Variants in UBE2L5 observed in about 807,000 individuals in gnomAD.
The protein encoded by UBE2L5 is ubiquitin-conjugating enzyme E2 L5.
A neutral mutation model predicts 10.0 loss-of-function variants in UBE2L5; 3 were observed. The observed-to-expected ratio is 0.30, with a 90% CI of 0.14 to 0.78. The LOEUF (loss-of-function observed/expected upper bound fraction) is 0.78, where lower values mean the gene tolerates loss of function less well. UBE2L5 is among the 30% of genes least tolerant of loss of function. The pLI is 0.65. For synonymous variants in UBE2L5, 60 were observed against 71.9 expected (o/e 0.83, Z 0.83); for missense variants, 131 against 193.3 (o/e 0.68, Z 1.91).
At position 30,427,469 on chromosome 13, in the gene UBE2L5, C is replaced by A. The variant is rs188945680; in HGVS notation, c.-522C>A. 6.1e-4 allele frequency: 94 copies of A among 154,078 alleles called. No individual in the cohort carries two copies. The highest frequency in any genetic ancestry group is 1.2e-3 in the Non-Finnish European group (81 of 69,300). 9.5% of individuals were successfully genotyped at this position (154,078 alleles called of 1,614,324 possible). ...GAGCAATCTGATCTGGACATACCAG[C>A]CTTCAGTCAGGCAACAGGTGAATAT... On this transcript the variant is annotated 5_prime_UTR_variant, in exon 4 of 4. Transcript: ENST00000635918.
intron 2 of UBE2L5, among the ~76,000 whole-genome samples, chr13:30,426,028 A>G (rs538516544): frequency 6.6e-6 from 1 of 151,622 alleles, no homozygotes; most frequent in Admixed American, 6.6e-5. Context: ...AAAAGAAAAA[A>G]GGCCAGGCAC....
At position 30,429,282 on chromosome 13, in the gene UBE2L5, T is replaced by TCC. The variant is rs202212365; in HGVS notation, c.*835_*836dup. 9.3e-3 allele frequency among the ~76,000 whole-genome samples: 1,365 copies of TCC among 147,544 alleles called. 16 individuals carry two copies. The highest frequency in any genetic ancestry group is 0.032 in the African/African-American group (1,254 of 39,500). On this transcript the variant is annotated 3_prime_UTR_variant, in exon 4 of 4. Coordinates refer to ENST00000635918, the MANE Select transcript of UBE2L5 (RefSeq NM_001355247.2). Reference sequence around the variant, plus strand: ...CCTGGGCAACAAGAGCAAAACTCTGTCCCCCCCCCACAAAAAAAAATTGAT... The same window carrying TCC: ...CCTGGGCAACAAGAGCAAAACTCTGTCCCCCCCCCCCACAAAAAAAAATTGAT...
rs1010165191 is a variant in UBE2L5 at position 30,427,551 on chromosome 13, G to A, written c.-440G>A. 3 of 171,464 alleles carry A rather than the reference G, an allele frequency of 1.7e-5. No homozygotes were observed. Among genetic ancestry groups the A allele is most frequent in the Admixed American group, 1.2e-4 (2 of 17,386 alleles). The allele number at this position is 171,464 out of a possible 1,614,324, so 10.6% of individuals were successfully genotyped here. ...GCAGTGGCTCACGTCTATAATCTGA[G>A]CACTTTGGGAGACTAACGCGGGCGG... On this transcript the variant is annotated 5_prime_UTR_variant, in exon 4 of 4. Transcript: ENST00000635918.
intron 2 of UBE2L5, among the ~76,000 whole-genome samples, chr13:30,426,242 C>T (rs1052817342): frequency 1.3e-5 from 2 of 151,958 alleles, no homozygotes; most frequent in Admixed American, 1.3e-4. Flanking sequence ...AACTGGGAGG[C>T]GGAGGTTGCA....
At chr13:30,424,482 C>T (rs973837113) in intron 1 of UBE2L5, among the ~76,000 whole-genome samples, 1 of 152,126 alleles carries the variant, frequency 6.6e-6, no homozygotes, top group African/African-American at 2.4e-5. Flanking sequence ...CTGGATTCTG[C>T]GTTCCCCTAA....
chr13:30,428,362 C>G lies in UBE2L5; in HGVS notation c.372C>G (p.Asp124Glu). ...DPQPEHPLRA[D>E]LAEEYSNDRK... Reference sequence around the variant, plus strand: ...AGCCCGAGCACCCGCTTCGGGCTGACCTAGCTGAAGAATACTCTAACGACC... The same window carrying G: ...AGCCCGAGCACCCGCTTCGGGCTGAGCTAGCTGAAGAATACTCTAACGACC... The change falls in exon 4 of 4, where the codon GAC (aspartate) becomes GAG (glutamate). Residue 124 changes from aspartate to glutamate, a missense_variant. Physicochemically the swap from Asp to Glu is conservative, Grantham distance 45 (BLOSUM62 2). Transcript: ENST00000635918. 6.2e-7 allele frequency: 1 copy of G among 1,611,914 alleles called. No individual in the cohort carries two copies. Among genetic ancestry groups the G allele is most frequent in the Admixed American group, 1.7e-5 (1 of 59,934 alleles).
At chr13:30,424,207 C>T (rs1440449383) in intron 1 of UBE2L5, among the ~76,000 whole-genome samples, 5 of 152,166 alleles carry the variant, frequency 3.3e-5, no homozygotes, top group Admixed American at 6.5e-5. Flanking sequence ...CCACCTCTGC[C>T]TTCACTCTGT....
rs941554231 is a variant in UBE2L5 at position 30,429,082 on chromosome 13, C to T, written c.*627C>T. Among the ~76,000 whole-genome samples the T allele has an allele frequency of 1.3e-5, 2 of 151,468 alleles. No individual in the cohort carries two copies. Among genetic ancestry groups the T allele is most frequent in the African/African-American group, 4.8e-5 (2 of 41,290 alleles). ...GGTCAGGAGTTCGAGACCAGCCTGG[C>T]CAACGTGGTGAAACCCCATCTCTAT... is the stretch of plus-strand genomic sequence containing the variant. On this transcript the variant is annotated 3_prime_UTR_variant, in exon 4 of 4. Coordinates refer to ENST00000635918, the MANE Select transcript of UBE2L5 (RefSeq NM_001355247.2).
Position 30,428,188 on chromosome 13 carries a change from G to A in UBE2L5, c.198G>A (p.Pro66=). Residue 66 remains proline, a synonymous_variant, in exon 4 of 4, where the codon CCG becomes CCA. Transcript: ENST00000635918. The part of the protein sequence containing the change: ...NFPAEYPFKP[P]RITFKTKIYH... ...CAGCAGAGTACCCATTCAAACCACC[G>A]AGGATCACATTTAAAACAAAGATCT... The A allele has an allele frequency of 6.2e-7, 1 of 1,607,168 alleles. No individual in the cohort carries two copies. The highest frequency in any genetic ancestry group is 2.2e-5 in the East Asian group (1 of 44,872).
At position 30,429,433 on chromosome 13, in the gene UBE2L5, A is replaced by G. The variant is rs1382702692; in HGVS notation, c.*978A>G. Among the ~76,000 whole-genome samples, 1 of 152,210 alleles carries G rather than the reference A, an allele frequency of 6.6e-6. No homozygotes were observed. The highest frequency in any genetic ancestry group is 1.5e-5 in the Non-Finnish European group (1 of 68,044). The stretch of plus-strand genomic sequence containing the variant: ...AATGAAACGCATGCAAATTTCACAG[A>G]CAAAAGAGTAGCTTTGCCACCTCTC... On this transcript the variant is annotated 3_prime_UTR_variant, in exon 4 of 4. Transcript: ENST00000635918.
Position 30,427,824 on chromosome 13 carries a change from G to T in UBE2L5, c.-167G>T. 1.5e-6 allele frequency: 1 copy of T among 647,272 alleles called. No individual in the cohort carries two copies. The highest frequency in any genetic ancestry group is 2.8e-6 in the Non-Finnish European group (1 of 359,108). 40.1% of individuals were successfully genotyped at this position (647,272 alleles called of 1,614,324 possible). The stretch of plus-strand genomic sequence containing the variant: ...GGCTAAAAAAAAAAAAAATTATAAT[G>T]TATAGGATTGTGGATGATCACTCTA... On this transcript the variant is annotated 5_prime_UTR_variant, in exon 4 of 4. It removes an upstream start codon present in the reference 5' UTR. Coordinates refer to ENST00000635918, the MANE Select transcript of UBE2L5 (RefSeq NM_001355247.2).
In UBE2L5 at chr13:30,428,457, ATG is replaced by A. The variant is rs1203601497; in HGVS notation, c.*5_*6del. On this transcript the variant is annotated 3_prime_UTR_variant, in exon 4 of 4. Coordinates refer to ENST00000635918, the MANE Select transcript of UBE2L5 (RefSeq NM_001355247.2). ...GGGGAAAAGCGACCTGTGGACTAAA[ATG>A]TGCCACGATTGGTTCCAGCAAGTGT... 1.2e-6 allele frequency: 2 copies of A among 1,610,776 alleles called. No homozygotes were observed. Among genetic ancestry groups the A allele is most frequent in the African/African-American group, 2.7e-5 (2 of 74,714 alleles).
intron 3 of UBE2L5, chr13:30,427,120 A>G (rs987910978): frequency 2.0e-5 from 3 of 152,254 alleles, no homozygotes; most frequent in African/African-American, 7.2e-5. Context: ...ATATAATTAA[A>G]ATGACAGGTT....
chr13:30,427,678 C>T lies in UBE2L5; in HGVS notation c.-313C>T. ...AGTTAGCTGTGCATGGTGGCACGTGCCTGTAATCACAGCCACTTGGGAGGC... is the reference window on the plus strand; with the variant it reads ...AGTTAGCTGTGCATGGTGGCACGTGTCTGTAATCACAGCCACTTGGGAGGC... On this transcript the variant is annotated 5_prime_UTR_variant, in exon 4 of 4. Transcript: ENST00000635918. 1 of 369,942 alleles carries T rather than the reference C, an allele frequency of 2.7e-6. No individual in the cohort carries two copies. The highest frequency in any genetic ancestry group is 4.8e-6 in the Non-Finnish European group (1 of 207,284). The allele number at this position is 369,942 out of a possible 1,614,324, so 22.9% of individuals were successfully genotyped here.
chr13:30,422,880 T>G (rs971410375), intron 1 of UBE2L5, among the ~76,000 whole-genome samples: 1 of 152,166 alleles, frequency 6.6e-6, no homozygotes, highest in African/African-American at 2.4e-5. Context: ...TTTTTAACTC[T>G]GTCAAAAAAT....
chr13:30,429,572 C>CT lies in UBE2L5; in HGVS notation c.*1122dup, dbSNP rs1885597810. Among the ~76,000 whole-genome samples, 1 of 152,094 alleles carries CT rather than the reference C, an allele frequency of 6.6e-6. No homozygotes were observed. The highest frequency in any genetic ancestry group is 1.5e-5 in the Non-Finnish European group (1 of 67,994). On this transcript the variant is annotated 3_prime_UTR_variant, in exon 4 of 4. Transcript: ENST00000635918. ...TCCCCCACCGCCTCTCCAGTAAGGACTTTTTGACAAGCTGCACTTCCCTGC... is the reference window on the plus strand; with the variant it reads ...TCCCCCACCGCCTCTCCAGTAAGGACTTTTTTGACAAGCTGCACTTCCCTGC...
rs1885571336 is a variant in UBE2L5 at position 30,428,398 on chromosome 13, C to A, written c.408C>A (p.Phe136Leu). The change falls in exon 4 of 4, where the codon TTC becomes TTA. Residue 136 changes from phenylalanine to leucine, a missense_variant. Transcript: ENST00000635918. Reference sequence around the variant, plus strand: ...AATACTCTAACGACCGTAAAAAATTCTGTAAGAATGCTGAAGAGTTTACAA... The same window carrying A: ...AATACTCTAACGACCGTAAAAAATTATGTAAGAATGCTGAAGAGTTTACAA... ...AEEYSNDRKK[F>L]CKNAEEFTKK... is the part of the protein sequence containing the mutation. 3.7e-6 allele frequency: 6 copies of A among 1,611,076 alleles called. No homozygotes were observed. Among genetic ancestry groups the A allele is most frequent in the Non-Finnish European group, 5.1e-6 (6 of 1,179,656 alleles).
intron 2 of UBE2L5, among the ~76,000 whole-genome samples, chr13:30,425,258 T>A (rs1262364349): frequency 6.6e-6 from 1 of 152,208 alleles, no homozygotes; most frequent in Non-Finnish European, 1.5e-5. Flanking sequence ...TAGGCCCTGG[T>A]TGATTCCCTG....
chr13:30,425,761 G>A (rs768091389), intron 2 of UBE2L5, among the ~76,000 whole-genome samples: 9 of 152,110 alleles, frequency 5.9e-5, no homozygotes, highest in African/African-American at 2.2e-4. Flanking sequence ...GGTGTTTCAC[G>A]CCTGTAATCC....
Sources: allele counts gnomAD v4.1 joint callset (sites outside exome capture counted in the v4.1 genomes callset), GRCh38; gene constraint gnomAD v4.1.1; transcripts MANE v1.5; gene names NCBI Gene and HGNC (gene_info 2026-07-23, HGNC 2026-07-21).